ETV1: variants seen among roughly 807,000 people sequenced by gnomAD.
ETV1 encodes ETS variant transcription factor 1, also known as ETS translocation variant 1.
ETV1 carries 27 observed loss-of-function variants against 62.3 expected under a neutral mutation model. The observed-to-expected ratio is 0.43, with a 90% CI of 0.32 to 0.60. The LOEUF (loss-of-function observed/expected upper bound fraction) is 0.60. Ranked by LOEUF, ETV1 falls within the 20% of genes least tolerant of loss-of-function variation. ETV1 has a pLI of 0.06. For synonymous variants in ETV1, 222 were observed against 199.6 expected (o/e 1.11, Z -0.94); for missense variants, 605 against 605.8 (o/e 1.00, Z 0.01).
chr7:13,989,130 T>G lies in ETV1; in HGVS notation c.-78A>C. 1 of 1,285,052 alleles carries G rather than the reference T, an allele frequency of 7.8e-7. No homozygotes were observed. The highest frequency in any genetic ancestry group is 1.3e-5 in the South Asian group (1 of 78,440). The allele number at this position is 1,285,052 out of a possible 1,614,324, so 79.6% of individuals were successfully genotyped here. ...CTGGAGATTTCCTCAGGATCTGGAC[T>G]TCTATCAACCTAGAGGGGAACAAGA... On this transcript the variant is annotated 5_prime_UTR_variant, in exon 3 of 14. Coordinates refer to ENST00000430479, the MANE Select transcript of ETV1 (RefSeq NM_004956.5).
chr7:13,983,073 T>C (rs1782161446), intron 5 of ETV1, among the ~76,000 whole-genome samples: 1 of 151,784 alleles, frequency 6.6e-6, no homozygotes, highest in Admixed American at 6.6e-5. Flanking sequence ...TAAGCTTTGC[T>C]GTAGAAAGGT....
chr7:13,941,316 T>C (rs1254718590), intron 6 of ETV1, among the ~76,000 whole-genome samples: 1 of 152,198 alleles, frequency 6.6e-6, no homozygotes, highest in Admixed American at 6.5e-5. Context: ...GTGACAATAG[T>C]TGTATTTAAA....
intron 9 of ETV1, among the ~76,000 whole-genome samples, chr7:13,928,043 G>C (rs535864815): frequency 6.6e-6 from 1 of 152,032 alleles, no homozygotes; most frequent in South Asian, 2.1e-4. Flanking sequence ...ACATACCTTC[G>C]ACAAACGATG....
intron 9 of ETV1, among the ~76,000 whole-genome samples, chr7:13,924,295 A>T (rs1785173319): frequency 2.0e-5 from 3 of 152,076 alleles, no homozygotes; most frequent in Admixed American, 6.6e-5. Context: ...GCAATCAAGG[A>T]CTTAGAGCTT....
intron 11 of ETV1, among the ~76,000 whole-genome samples, chr7:13,909,289 T>G (rs1783309338): frequency 6.6e-6 from 1 of 152,148 alleles, no homozygotes; most frequent in Non-Finnish European, 1.5e-5. Context: ...CTGCTCTGCT[T>G]TGTTAATTAC....
At chr7:13,912,969 A>G (rs1041176322) in intron 9 of ETV1, among the ~76,000 whole-genome samples, 1 of 152,238 alleles carries the variant, frequency 6.6e-6, no homozygotes, top group Non-Finnish European at 1.5e-5. Flanking sequence ...GAAGTTCATC[A>G]AAGTAATGAC....
chr7:13,950,382 G>A (rs981260578), intron 6 of ETV1, among the ~76,000 whole-genome samples: 2 of 152,112 alleles, frequency 1.3e-5, no homozygotes, highest in African/African-American at 4.8e-5. Context: ...GAGAGAGAGA[G>A]AGAGATCCCA....
upstream of ETV1, among the ~76,000 whole-genome samples, chr7:13,990,107 T>C (rs1782914686): frequency 6.6e-6 from 1 of 152,130 alleles, no homozygotes; most frequent in South Asian, 2.1e-4. Context: ...CCTCAGGATC[T>C]CCAACCTCTC....
chr7:13,935,697 C>T lies in ETV1; in HGVS notation c.554+11G>A. 6.2e-7 allele frequency: 1 copy of T among 1,610,918 alleles called. No individual in the cohort carries two copies. The highest frequency in any genetic ancestry group is 8.5e-7 in the Non-Finnish European group (1 of 1,177,966). On this transcript the variant is annotated intron_variant, in intron 8 of 13. Coordinates refer to ENST00000430479, the MANE Select transcript of ETV1 (RefSeq NM_004956.5). ...AAAACAGTTTCTAGAAAACTGGTAT[C>T]TGCAGGTTACCTGTGGTCCATGGGG... is the stretch of plus-strand genomic sequence containing the variant.
chr7:13,911,332 A>T (rs1783544219), intron 9 of ETV1, 25 bp from the exon 10 acceptor site: 1 of 1,569,344 alleles, frequency 6.4e-7, no homozygotes, highest in African/African-American at 1.4e-5. Flanking sequence ...AATATTGGTC[A>T]AAAAGAGTCT....
At chr7:13,974,809 G>A (rs531368354) in intron 6 of ETV1, 1 of 152,372 alleles carries the variant, frequency 6.6e-6, no homozygotes, top group African/African-American at 2.4e-5. Context: ...TTCACTGTTG[G>A]ACTTGCTGAG....
intron 6 of ETV1, among the ~76,000 whole-genome samples, chr7:13,949,071 G>C (rs1788494136): frequency 6.6e-6 from 1 of 151,852 alleles, no homozygotes; most frequent in South Asian, 2.1e-4. Context: ...TTTTGCACCT[G>C]TCTAAAAAAT....
chr7:13,965,752 T>C, intron 6 of ETV1, among the ~76,000 whole-genome samples: 1 of 152,186 alleles, frequency 6.6e-6, no homozygotes, highest in East Asian at 1.9e-4. Context: ...ATCTGATAAC[T>C]GAGATTTAGC....
rs1417752308 is a variant in ETV1, at chr7:13,892,115, T to C, written c.*3751A>G. Reference sequence around the variant, plus strand: ...TGAGTAATAGACATATTTTACACATTGTTCTTACCTAATAAGTAATAATCA... The same window carrying C: ...TGAGTAATAGACATATTTTACACATCGTTCTTACCTAATAAGTAATAATCA... On this transcript the variant is annotated 3_prime_UTR_variant, in exon 14 of 14. Coordinates refer to ENST00000430479, the MANE Select transcript of ETV1 (RefSeq NM_004956.5). 1.3e-5 allele frequency: 3 copies of C among 232,264 alleles called. No individual in the cohort carries two copies. The highest frequency in any genetic ancestry group is 1.7e-5 in the Non-Finnish European group (2 of 117,562). The allele number at this position is 232,264 out of a possible 1,614,324, so 14.4% of individuals were successfully genotyped here.
At chr7:13,948,647 G>A (rs1477813844) in intron 6 of ETV1, among the ~76,000 whole-genome samples, 1 of 152,088 alleles carries the variant, frequency 6.6e-6, no homozygotes, top group Non-Finnish European at 1.5e-5. Flanking sequence ...GAGCTACAAT[G>A]GCCAAATGGA....
intron 6 of ETV1, among the ~76,000 whole-genome samples, chr7:13,974,123 G>A (rs1367917514): frequency 6.6e-6 from 1 of 152,186 alleles, no homozygotes; most frequent in Non-Finnish European, 1.5e-5. Context: ...AGCTAACTCT[G>A]TGGGGTCAGG....
chr7:13,896,209 A>C, intron 13 of ETV1, 122 bp from the exon 14 acceptor site: 1 of 679,020 alleles, frequency 1.5e-6, no homozygotes, highest in South Asian at 2.0e-5. Context: ...TGGCCCAAAA[A>C]AGCAAACAAC....
In ETV1 at chr7:13,900,678, A is replaced by G. The variant is rs1782320025; in HGVS notation, c.1212+60T>C. 1.0e-5 allele frequency: 12 copies of G among 1,168,876 alleles called. No homozygotes were observed. In the South Asian group the frequency reaches 1.5e-4, roughly 15 times the overall value. The allele number at this position is 1,168,876 out of a possible 1,614,324, so 72.4% of individuals were successfully genotyped here. Reference sequence around the variant, plus strand: ...TGCAATGATATGTGGCGTTTAAAGTATGATGTTCAGATTAATGTGCAACAT... The same window carrying G: ...TGCAATGATATGTGGCGTTTAAAGTGTGATGTTCAGATTAATGTGCAACAT... On this transcript the variant is annotated intron_variant, in intron 13 of 13. Transcript: ENST00000430479.
At chr7:13,911,571 A>T (rs1783574965) in intron 9 of ETV1, among the ~76,000 whole-genome samples, 1 of 152,186 alleles carries the variant, frequency 6.6e-6, no homozygotes, top group Non-Finnish European at 1.5e-5. Context: ...AAGTCAGCTC[A>T]AACAGCAACC....
Sources: gnomAD v4.1 joint callset for allele counts (sites outside exome capture counted in the v4.1 genomes callset) on GRCh38, gnomAD v4.1.1 for gene constraint, MANE v1.5 for transcripts, NCBI Gene and HGNC (gene_info 2026-07-23, HGNC 2026-07-21) for gene names.